The following CNIH4 variants were observed in gnomAD, a reference collection of about 807,000 sequenced individuals.
The protein encoded by CNIH4 is cornichon family member 4, also known as protein cornichon homolog 4.
A neutral mutation model predicts 21.5 loss-of-function variants in CNIH4; 9 were observed. The ratio of observed to expected loss-of-function variants is 0.42; its 90% confidence interval spans 0.25 to 0.73. The LOEUF is 0.73. CNIH4 is among the 30% of genes least tolerant of loss of function. The probability of loss-of-function intolerance (pLI) is 0.27; values close to 1 mark genes in which losing one functional copy is unlikely to be tolerated. For missense variants in CNIH4, 159 were observed against 170.0 expected (o/e 0.94, Z 0.36); for synonymous variants, 67 against 59.1 (o/e 1.13, Z -0.61).
chr1:224,363,519 G>T (rs1168218777), intron 2 of CNIH4, among the ~76,000 whole-genome samples: 1 of 152,040 alleles, frequency 6.6e-6, no homozygotes, highest in East Asian at 1.9e-4. Context: ...AAGTACAGTG[G>T]CACAATCATA....
At chr1:224,363,709 A>G (rs1672367215) in intron 2 of CNIH4, among the ~76,000 whole-genome samples, 1 of 151,502 alleles carries the variant, frequency 6.6e-6, no homozygotes, top group Non-Finnish European at 1.5e-5. Context: ...TTTTCCCCCC[A>G]TCTGTCTTTG....
At chr1:224,364,658 G>A (rs190922913) in intron 2 of CNIH4, among the ~76,000 whole-genome samples, 1 of 152,294 alleles carries the variant, frequency 6.6e-6, no homozygotes, top group East Asian at 1.9e-4. Flanking sequence ...TAGCCGGCAG[G>A]GCGCAGTGGC....
rs936885361 is a variant in CNIH4, at chr1:224,356,914, G to A, written c.-11G>A. 4 of 1,601,982 alleles carry A rather than the reference G, an allele frequency of 2.5e-6. No homozygotes were observed. The highest frequency in any genetic ancestry group is 3.4e-6 in the Non-Finnish European group (4 of 1,173,032). On this transcript the variant is annotated 5_prime_UTR_variant, in exon 1 of 5. Transcript: ENST00000465271. Reference sequence around the variant, plus strand: ...GTTTGACGGAAGGAGCGGCGGCGACGGAGGAGGAGGATGGAGGCGGTGGTG... The same window carrying A: ...GTTTGACGGAAGGAGCGGCGGCGACAGAGGAGGAGGATGGAGGCGGTGGTG...
intron 1 of CNIH4, among the ~76,000 whole-genome samples, chr1:224,360,144 A>G (rs1035438631): frequency 3.3e-5 from 5 of 151,700 alleles, no homozygotes; most frequent in Admixed American, 6.6e-5. Context: ...TATGTTGCCT[A>G]TGCTGATCTT....
chr1:224,357,762 T>C (rs1338668940), intron 1 of CNIH4: 1 of 152,248 alleles, frequency 6.6e-6, no homozygotes, highest in Non-Finnish European at 1.5e-5. Context: ...TCGATCCATG[T>C]TAAAACTTAA....
At chr1:224,372,052 C>T (rs1672647095) in intron 4 of CNIH4, among the ~76,000 whole-genome samples, 1 of 152,130 alleles carries the variant, frequency 6.6e-6, no homozygotes, top group African/African-American at 2.4e-5. Flanking sequence ...TGGGGGATCA[C>T]ACCACTAGCA....
chr1:224,360,104 A>G (rs1672234854), intron 1 of CNIH4, among the ~76,000 whole-genome samples: 1 of 151,986 alleles, frequency 6.6e-6, no homozygotes, highest in South Asian at 2.1e-4. Context: ...CCACTGCACT[A>G]CAGCCTGGGT....
At chr1:224,364,645 G>C (rs968726531) in intron 2 of CNIH4, among the ~76,000 whole-genome samples, 1 of 152,102 alleles carries the variant, frequency 6.6e-6, no homozygotes, top group Non-Finnish European at 1.5e-5. Flanking sequence ...ATTTTAAAAA[G>C]TATAGCCGGC....
intron 4 of CNIH4, 82 bp downstream of exon 4, chr1:224,371,505 A>G (rs1672627554): frequency 5.0e-6 from 7 of 1,394,890 alleles, no homozygotes; most frequent in Non-Finnish European, 6.9e-6. Flanking sequence ...AGGATTTTGC[A>G]TTGACATTGT....
intron 1 of CNIH4, 110 bp from the exon 2 acceptor site, chr1:224,360,385 A>T (rs1223856456): frequency 1.5e-5 from 8 of 539,794 alleles, no homozygotes; most frequent in Non-Finnish European, 2.2e-5. Context: ...GAAACAACTC[A>T]TTTTTTTCAA....
At chr1:224,359,992 G>T (rs551611142) in intron 1 of CNIH4, among the ~76,000 whole-genome samples, 1 of 152,140 alleles carries the variant, frequency 6.6e-6, no homozygotes, top group Non-Finnish European at 1.5e-5. Flanking sequence ...AATTAGCTGG[G>T]TGTGGTGGTG....
chr1:224,369,175 G>A (rs1356991991), intron 3 of CNIH4, among the ~76,000 whole-genome samples: 1 of 152,174 alleles, frequency 6.6e-6, no homozygotes, highest in Non-Finnish European at 1.5e-5. Context: ...TTATGGTAAA[G>A]TTGTATCAGT....
intron 3 of CNIH4, 59 bp downstream of exon 3, chr1:224,366,050 T>C (rs1004437462): frequency 4.4e-6 from 5 of 1,126,180 alleles, no homozygotes; most frequent in Non-Finnish European, 6.8e-6. Context: ...TAAAAAGTTG[T>C]GTTTTTTTCA....
intron 4 of CNIH4, among the ~76,000 whole-genome samples, chr1:224,375,534 T>C (rs1672757240): frequency 6.6e-6 from 1 of 152,176 alleles, no homozygotes; most frequent in South Asian, 2.1e-4. Flanking sequence ...TTGTTTTGTT[T>C]TGTTTTTATT....
In CNIH4 at chr1:224,376,494, C is replaced by G; in HGVS notation, c.*672C>G. On this transcript the variant is annotated 3_prime_UTR_variant, in exon 5 of 5. Coordinates refer to ENST00000465271, the MANE Select transcript of CNIH4 (RefSeq NM_014184.4). ...AAAAGCTACTACCTCCACAATCACC[C>G]CCAAACCCAGAAAATCCCCACTGGC... is the stretch of plus-strand genomic sequence containing the variant. 1 of 985,402 alleles carries G rather than the reference C, an allele frequency of 1.0e-6. No individual in the cohort carries two copies. Among genetic ancestry groups the G allele is most frequent in the South Asian group, 4.7e-5 (1 of 21,288 alleles). 61.0% of individuals were successfully genotyped at this position (985,402 alleles called of 1,614,324 possible).
At chr1:224,373,325 T>A (rs933670748) in intron 4 of CNIH4, among the ~76,000 whole-genome samples, 1 of 152,234 alleles carries the variant, frequency 6.6e-6, no homozygotes, top group African/African-American at 2.4e-5. Flanking sequence ...GCTAAGGTTA[T>A]CCTTTCTTCA....
chr1:224,367,350 G>C (rs1265220234), intron 3 of CNIH4, among the ~76,000 whole-genome samples: 2 of 152,162 alleles, frequency 1.3e-5, no homozygotes, highest in Non-Finnish European at 1.5e-5. Flanking sequence ...GGCAGCAGTA[G>C]AGGTGAGGGA....
At chr1:224,371,011 G>C (rs1163496009) in intron 3 of CNIH4, among the ~76,000 whole-genome samples, 1 of 151,910 alleles carries the variant, frequency 6.6e-6, no homozygotes, top group Non-Finnish European at 1.5e-5. Flanking sequence ...CGAGTAGCTG[G>C]AATTCCAGTT....
chr1:224,358,731 C>CT (rs1284964342), intron 1 of CNIH4, among the ~76,000 whole-genome samples: 1 of 152,114 alleles, frequency 6.6e-6, no homozygotes, highest in African/African-American at 2.4e-5. Flanking sequence ...TGGGTTTTTT[C>CT]TTTTTGCAGT....
Sources: gnomAD v4.1 joint callset for allele counts (sites outside exome capture counted in the v4.1 genomes callset) on GRCh38, gnomAD v4.1.1 for gene constraint, MANE v1.5 for transcripts, NCBI Gene and HGNC (gene_info 2026-07-23, HGNC 2026-07-21) for gene names.